Variants in EGLN3 observed in about 807,000 individuals in gnomAD.
EGLN3 encodes the protein egl-9 family hypoxia inducible factor 3, also known as prolyl hydroxylase EGLN3.
In EGLN3, 15 loss-of-function variants were observed where a neutral mutation model predicts 26.0. That is an observed-to-expected ratio of 0.58 (90% confidence interval 0.39 to 0.89). The LOEUF (loss-of-function observed/expected upper bound fraction) is 0.89, where lower values mean the gene tolerates loss of function less well. EGLN3 is among the 40% of genes least tolerant of loss of function. The probability of loss-of-function intolerance (pLI) is 0.00; values close to 1 mark genes in which losing one functional copy is unlikely to be tolerated. For synonymous variants in EGLN3, 147 were observed against 127.2 expected (o/e 1.16, Z -1.05); for missense variants, 238 against 311.6 (o/e 0.76, Z 1.78).
At chr14:33,940,030 A>AT (rs1265454340) in intron 1 of EGLN3, among the ~76,000 whole-genome samples, 6 of 152,184 alleles carry the variant, frequency 3.9e-5, no homozygotes, top group Middle Eastern at 3.2e-3. Flanking sequence ...AATTGCAAGA[A>AT]TTTTTTTAAA....
At chr14:33,941,405 C>T (rs2064482121) in intron 1 of EGLN3, among the ~76,000 whole-genome samples, 1 of 150,220 alleles carries the variant, frequency 6.7e-6, no homozygotes, top group Admixed American at 6.6e-5. Context: ...GATTTCGAAA[C>T]TGAGAAAAAA....
chr14:33,940,411 A>C (rs868760295), intron 1 of EGLN3, among the ~76,000 whole-genome samples: 2 of 152,070 alleles, frequency 1.3e-5, no homozygotes, highest in Non-Finnish European at 1.5e-5. Flanking sequence ...AGCAATAAAT[A>C]ATCTAATGTC....
intron 1 of EGLN3, among the ~76,000 whole-genome samples, chr14:33,947,804 A>C (rs1026361373): frequency 2.0e-5 from 3 of 152,132 alleles, no homozygotes; most frequent in African/African-American, 7.2e-5. Flanking sequence ...GTAATCCCAG[A>C]ACTTTGGGAG....
At chr14:33,947,296 G>C (rs138675133) in intron 1 of EGLN3, among the ~76,000 whole-genome samples, 22 of 152,232 alleles carry the variant, frequency 1.4e-4, no homozygotes, top group South Asian at 2.1e-4. Context: ...TTGAAGTTAG[G>C]GGGGGCCATA....
chr14:33,925,727 G>A lies in EGLN3; in HGVS notation c.*164C>T. ...GTATCTGAAGATCAACACAGTCTTG[G>A]CAAGAAAACATGAAGTACCACACAC... On this transcript the variant is annotated 3_prime_UTR_variant, in exon 5 of 5. Transcript: ENST00000250457. 1.3e-6 allele frequency: 1 copy of A among 747,266 alleles called. No homozygotes were observed. Among genetic ancestry groups the A allele is most frequent in the Non-Finnish European group, 2.2e-6 (1 of 455,360 alleles). The allele number at this position is 747,266 out of a possible 1,614,324, so 46.3% of individuals were successfully genotyped here.
At chr14:33,946,678 C>T (rs1531800) in intron 1 of EGLN3, among the ~76,000 whole-genome samples, 1 of 152,080 alleles carries the variant, frequency 6.6e-6, no homozygotes, top group Non-Finnish European at 1.5e-5. Flanking sequence ...TCTGGAGTTA[C>T]ACAAATCTAG....
chr14:33,926,549 A>C (rs1036866796), intron 4 of EGLN3, among the ~76,000 whole-genome samples: 3 of 152,168 alleles, frequency 2.0e-5, no homozygotes, highest in Non-Finnish European at 2.9e-5. Context: ...TATTCAGTTT[A>C]TATTACATGA....
intron 1 of EGLN3, among the ~76,000 whole-genome samples, chr14:33,937,883 A>T (rs2064453579): frequency 6.6e-6 from 1 of 152,240 alleles, no homozygotes; most frequent in Admixed American, 6.5e-5. Flanking sequence ...CGGTTGCTCT[A>T]GTGAAGTGGG....
At position 33,926,980 on chromosome 14, in the gene EGLN3, T is replaced by G; in HGVS notation, c.668A>C (p.Lys223Thr). The stretch of plus-strand genomic sequence containing the variant: ...CATACTAGTTAAATTCCTGAATTTC[T>G]TTTTGGCTTCTGCCCTTTCTTCAGC... ...FDAEERAEAK[K>T]KFRNLTRKTE... is the part of the protein sequence containing the mutation. The change falls in exon 4 of 5, where the codon AAG becomes ACG. Residue 223 changes from lysine to threonine, a missense_variant. Coordinates refer to ENST00000250457, the MANE Select transcript of EGLN3 (RefSeq NM_022073.4). 1 of 1,606,658 alleles carries G rather than the reference T, an allele frequency of 6.2e-7. No homozygotes were observed. Among genetic ancestry groups the G allele is most frequent in the Non-Finnish European group, 8.5e-7 (1 of 1,176,366 alleles).
chr14:33,929,299 A>G (rs2064385217), intron 2 of EGLN3, 87 bp from the exon 3 acceptor site: 1 of 1,517,914 alleles, frequency 6.6e-7, no homozygotes, highest in Non-Finnish European at 8.9e-7. Context: ...GAAACATGCC[A>G]TCTGCTAACC....
chr14:33,947,335 A>C (rs2064525070), intron 1 of EGLN3, among the ~76,000 whole-genome samples: 1 of 152,202 alleles, frequency 6.6e-6, no homozygotes, highest in Non-Finnish European at 1.5e-5. Flanking sequence ...ACCACTTCCC[A>C]AGGGGTCTTC....
chr14:33,939,208 C>CTTTT (rs71433637), intron 1 of EGLN3, among the ~76,000 whole-genome samples: 4 of 131,048 alleles, frequency 3.1e-5, no homozygotes, highest in Non-Finnish European at 3.5e-5. Context: ...AAACAATCAT[C>CTTTT]TTTTTTTTTT....
Position 33,934,501 on chromosome 14 carries a change from A to C in EGLN3, c.358-3286T>G, listed in dbSNP as rs537227687. ...AAAAAAACCTATCTCATCAAGTCCA[A>C]AGGTAAAGTTGAAAAATAAAAGTCC... On this transcript the variant is annotated intron_variant, in intron 1 of 4. Transcript: ENST00000250457. Among the ~76,000 whole-genome samples, 22 of 150,560 alleles carry C rather than the reference A, an allele frequency of 1.5e-4. No individual in the cohort carries two copies. In the South Asian group the frequency reaches 1.9e-3, roughly 13 times the overall value.
chr14:33,950,525 G>GCC lies in EGLN3; in HGVS notation c.227_228insGG (p.Asp76GlufsTer78). ...CGTTGCCCCCGATCCACGTGATCTGGTCGCCCCGCAGGTGTCGCTTGGAGA... is the reference window on the plus strand; with the variant it reads ...CGTTGCCCCCGATCCACGTGATCTGGCCTCGCCCCGCAGGTGTCGCTTGGAGA... On this transcript the variant is annotated frameshift_variant, in exon 1 of 5. Transcript: ENST00000250457. LOFTEE classifies it high-confidence loss of function. 6.2e-7 allele frequency: 1 copy of GCC among 1,613,602 alleles called. No homozygotes were observed. The highest frequency in any genetic ancestry group is 8.5e-7 in the Non-Finnish European group (1 of 1,180,006).
chr14:33,929,115 C>A lies in EGLN3; in HGVS notation c.575G>T (p.Arg192Leu). 1 of 1,614,104 alleles carries A rather than the reference C, an allele frequency of 6.2e-7. No homozygotes were observed. The highest frequency in any genetic ancestry group is 1.3e-5 in the African/African-American group (1 of 75,026). Reference protein sequence around the residue: ...FDRLLFFWSDRRNPHEVQPSY... With the variant: ...FDRLLFFWSDLRNPHEVQPSY... ...GGGCTGCACTTCGTGTGGGTTCCTA[C>A]GATCTGACCAGAAGAACAGGAGTCT... Residue 192 changes from arginine to leucine, a missense_variant, in exon 3 of 5, where the codon CGT becomes CTT. Physicochemically the swap from Arg to Leu is moderately radical, Grantham distance 102. Coordinates refer to ENST00000250457, the MANE Select transcript of EGLN3 (RefSeq NM_022073.4).
At chr14:33,937,598 G>A (rs1335317259) in intron 1 of EGLN3, among the ~76,000 whole-genome samples, 1 of 152,192 alleles carries the variant, frequency 6.6e-6, no homozygotes, top group Non-Finnish European at 1.5e-5. Context: ...ATACCTGTCA[G>A]GTAGGTAATC....
chr14:33,943,844 A>G (rs2138825702), intron 1 of EGLN3, among the ~76,000 whole-genome samples: 1 of 152,338 alleles, frequency 6.6e-6, no homozygotes, highest in African/African-American at 2.4e-5. Context: ...TTATGAAATT[A>G]CAAGTTTTTC....
rs754410345 is a variant in EGLN3, at chr14:33,929,081, T to G, written c.609A>C (p.Ala203=). Residue 203 remains alanine (A), a synonymous_variant, in exon 3 of 5, where the codon GCA becomes GCC. Transcript: ENST00000250457. ...RNPHEVQPSY[A]TRYAMTVWYF... ...ATCATGGCTCCGGCTATTACCTGGT[T>G]GCGTAAGAGGGCTGCACTTCGTGTG... 1 of 1,613,554 alleles carries G rather than the reference T, an allele frequency of 6.2e-7. No individual in the cohort carries two copies. The highest frequency in any genetic ancestry group is 8.5e-7 in the Non-Finnish European group (1 of 1,179,914).
At position 33,924,570 on chromosome 14, in the gene EGLN3, A is replaced by G. The variant is rs2064347479; in HGVS notation, c.*1321T>C. The G allele has an allele frequency of 6.6e-6, 1 of 152,168 alleles. No individual in the cohort carries two copies. The highest frequency in any genetic ancestry group is 2.4e-5 in the African/African-American group (1 of 41,440). The allele number at this position is 152,168 out of a possible 1,614,324, so 9.4% of individuals were successfully genotyped here. Reference sequence around the variant, plus strand: ...ATATATATCCGTACATAACAAAGGAAAATATTTCTGGCTCTTTAATGTTCA... The same window carrying G: ...ATATATATCCGTACATAACAAAGGAGAATATTTCTGGCTCTTTAATGTTCA... On this transcript the variant is annotated 3_prime_UTR_variant, in exon 5 of 5. Coordinates refer to ENST00000250457, the MANE Select transcript of EGLN3 (RefSeq NM_022073.4).
Sources: gnomAD v4.1 joint callset for allele counts (sites outside exome capture counted in the v4.1 genomes callset) on GRCh38, gnomAD v4.1.1 for gene constraint, MANE v1.5 for transcripts, NCBI Gene and HGNC (gene_info 2026-07-23, HGNC 2026-07-21) for gene names.